Variants in C2CD3 observed in about 807,000 individuals in gnomAD.
C2CD3 encodes the protein C2 domain-containing protein 3.
In C2CD3, 148 loss-of-function variants were observed where a neutral mutation model predicts 234.0. The observed-to-expected ratio is 0.63, with a 90% CI of 0.55 to 0.72. C2CD3 has a LOEUF of 0.72. C2CD3 is among the 30% of genes least tolerant of loss of function. C2CD3 has a pLI of 0.00. For missense variants in C2CD3, 2,577 were observed against 2,811.5 expected, an observed-to-expected ratio of 0.92 and a Z score of 1.89; for synonymous variants, 1,000 against 1,035.4, an observed-to-expected ratio of 0.97 and a Z score of 0.66.
intron 7 of C2CD3, among the ~76,000 whole-genome samples, chr11:74,126,989 G>A (rs1957434318): frequency 6.6e-6 from 1 of 152,238 alleles, no homozygotes; most frequent in South Asian, 2.1e-4. Flanking sequence ...TGAAATAAAA[G>A]TATATATATT....
At chr11:74,159,800 T>C (rs1856322382) in intron 3 of C2CD3, among the ~76,000 whole-genome samples, 1 of 152,104 alleles carries the variant, frequency 6.6e-6, no homozygotes, top group East Asian at 1.9e-4. Flanking sequence ...CAGTAGTACA[T>C]GGTAATGTCC....
intron 2 of C2CD3, among the ~76,000 whole-genome samples, chr11:74,165,262 A>G (rs1856730943): frequency 6.6e-6 from 1 of 152,170 alleles, no homozygotes; most frequent in Non-Finnish European, 1.5e-5. Flanking sequence ...CTAGAAAAAA[A>G]GAGCAACCCC....
intron 3 of C2CD3, among the ~76,000 whole-genome samples, chr11:74,153,686 G>A (rs1440476802): frequency 1.3e-5 from 2 of 152,076 alleles, no homozygotes; most frequent in African/African-American, 4.8e-5. Context: ...AAATCAACAA[G>A]CTGATTCTAA....
intron 32 of C2CD3, among the ~76,000 whole-genome samples, chr11:74,023,692 C>T (rs1952177087): frequency 6.6e-6 from 1 of 152,142 alleles, no homozygotes; most frequent in Admixed American, 6.5e-5. Flanking sequence ...GTGTCTTCCC[C>T]TTCTCCCTTT....
At chr11:74,150,328 A>G (rs11236023) in intron 3 of C2CD3, among the ~76,000 whole-genome samples, 1 of 150,720 alleles carries the variant, frequency 6.6e-6, no homozygotes, top group Admixed American at 6.6e-5. Context: ...AAAAAAAAAT[A>G]CAAAAAAAAA....
intron 3 of C2CD3, chr11:74,142,029 A>G (rs889292628): frequency 6.5e-6 from 1 of 152,710 alleles, no homozygotes; most frequent in Non-Finnish European, 1.5e-5. Flanking sequence ...CCTCCCCCAC[A>G]AAAACACCCT....
At chr11:74,129,508 A>C (rs1270838539) in intron 7 of C2CD3, 1 of 194,410 alleles carries the variant, frequency 5.1e-6, no homozygotes, top group Non-Finnish European at 1.1e-5. Flanking sequence ...CTCACTTCCT[A>C]GATGGGATGG....
chr11:74,026,893 C>G (rs775855799), intron 32 of C2CD3, among the ~76,000 whole-genome samples: 2 of 151,040 alleles, frequency 1.3e-5, no homozygotes, highest in Non-Finnish European at 2.9e-5. Context: ...ATTGCTTGAA[C>G]CCGGGAGGCA....
chr11:74,104,454 G>C (rs1316760348), intron 13 of C2CD3, among the ~76,000 whole-genome samples: 1 of 151,986 alleles, frequency 6.6e-6, no homozygotes, highest in Non-Finnish European at 1.5e-5. Context: ...AATTTAGGGG[G>C]AAAGAGGCAT....
At chr11:74,024,435 A>T (rs995501408) in intron 32 of C2CD3, among the ~76,000 whole-genome samples, 1 of 152,238 alleles carries the variant, frequency 6.6e-6, no homozygotes, top group South Asian at 2.1e-4. Flanking sequence ...CCAGCCAGAA[A>T]TCAGGATGTG....
chr11:74,167,211 G>C (rs149847131), intron 2 of C2CD3, among the ~76,000 whole-genome samples: 103 of 152,216 alleles, frequency 6.8e-4, no homozygotes, highest in Non-Finnish European at 1.2e-3. Context: ...TGTCTGACCT[G>C]TTGATTACCA....
chr11:74,149,724 G>A (rs769382630), intron 3 of C2CD3, among the ~76,000 whole-genome samples: 21 of 151,860 alleles, frequency 1.4e-4, no homozygotes, highest in East Asian at 1.4e-3. Flanking sequence ...GCTCCCTCCT[G>A]TGTTGTATCT....
intron 3 of C2CD3, among the ~76,000 whole-genome samples, chr11:74,158,648 G>C (rs1399928172): frequency 6.6e-6 from 1 of 151,972 alleles, no homozygotes; most frequent in African/African-American, 2.4e-5. Flanking sequence ...CTTGAACCCG[G>C]GAGGCGGAGG....
At chr11:74,110,192 G>C (rs983275990) in intron 11 of C2CD3, among the ~76,000 whole-genome samples, 1 of 146,316 alleles carries the variant, frequency 6.8e-6, no homozygotes, top group African/African-American at 2.6e-5. Flanking sequence ...ACTTACCACC[G>C]CAGAAACAAT....
chr11:74,139,239 T>C lies in C2CD3; in HGVS notation c.708-272A>G, dbSNP rs78487602. ...AGCCTGACACAAAGCAAATGCTTCA[T>C]AAATAATTACTTAAAACAAAAACCT... On this transcript the variant is annotated intron_variant, in intron 4 of 32. Coordinates refer to ENST00000334126, the MANE Select transcript of C2CD3 (RefSeq NM_001286577.2). Among the ~76,000 whole-genome samples the C allele has an allele frequency of 2.6e-3, 400 of 152,344 alleles. 3 individuals are homozygous for C. Among genetic ancestry groups the C allele is most frequent in the African/African-American group, 8.4e-3 (350 of 41,582 alleles).
intron 29 of C2CD3, among the ~76,000 whole-genome samples, chr11:74,041,204 C>T (rs1467900128): frequency 6.6e-6 from 1 of 152,080 alleles, no homozygotes; most frequent in Non-Finnish European, 1.5e-5. Flanking sequence ...AATAATTGTT[C>T]TAAGGGTAAT....
At chr11:74,025,100 C>T (rs187531605) in intron 32 of C2CD3, among the ~76,000 whole-genome samples, 5 of 152,064 alleles carry the variant, frequency 3.3e-5, no homozygotes, top group Admixed American at 2.0e-4. Flanking sequence ...TCTCCCTCTC[C>T]CATACTTTGT....
chr11:74,126,415 A>C (rs978136025), intron 7 of C2CD3, among the ~76,000 whole-genome samples: 2 of 152,100 alleles, frequency 1.3e-5, no homozygotes, highest in African/African-American at 4.8e-5. Flanking sequence ...CTTTATTGAG[A>C]TATAATTCAC....
At chr11:74,022,468 G>A (rs73552748) in intron 32 of C2CD3, among the ~76,000 whole-genome samples, 4,372 of 152,268 alleles carry the variant, frequency 0.029, 204 homozygotes, top group African/African-American at 0.098. Context: ...TGCGGCATGA[G>A]AGAGAAGACT....
Sources: gnomAD v4.1 joint callset for allele counts (sites outside exome capture counted in the v4.1 genomes callset) on GRCh38, gnomAD v4.1.1 for gene constraint, MANE v1.5 for transcripts, NCBI Gene and HGNC (gene_info 2026-07-23, HGNC 2026-07-21) for gene names.